The following WDR49 variants were observed in gnomAD, a reference collection of about 807,000 sequenced individuals.
WDR49 encodes cilia- and flagella-associated protein 337.
A neutral mutation model predicts 119.5 loss-of-function variants in WDR49; 107 were observed. The ratio of observed to expected loss-of-function variants is 0.90; its 90% confidence interval spans 0.77 to 1.05. WDR49 has a LOEUF of 1.05. Among genes scored for constraint, WDR49 ranks in the 50% least tolerant of loss-of-function variants. The probability of loss-of-function intolerance (pLI) is 0.00; values close to 1 mark genes in which losing one functional copy is unlikely to be tolerated. For synonymous variants in WDR49, 425 were observed against 418.8 expected (o/e 1.01, Z -0.18); for missense variants, 1,240 against 1,220.5 (o/e 1.02, Z -0.24).
At chr3:167,596,535 C>G (rs1274989776) in intron 7 of WDR49, among the ~76,000 whole-genome samples, 3 of 150,738 alleles carry the variant, frequency 2.0e-5, no homozygotes, top group African/African-American at 7.3e-5. Context: ...GAATACTATG[C>G]AGCCATAAAA....
chr3:167,656,882 C>A (rs1352460695), upstream of WDR49, among the ~76,000 whole-genome samples: 1 of 152,118 alleles, frequency 6.6e-6, no homozygotes, highest in East Asian at 1.9e-4. Flanking sequence ...GGCCAAAAAG[C>A]AGATTGACAC....
intron 7 of WDR49, among the ~76,000 whole-genome samples, chr3:167,591,264 A>T (rs2108296248): frequency 6.6e-6 from 1 of 152,236 alleles, no homozygotes; most frequent in Non-Finnish European, 1.5e-5. Context: ...TTGTGATTAG[A>T]GAAGATGCTT....
chr3:167,563,246 C>T (rs1172993639), intron 8 of WDR49, among the ~76,000 whole-genome samples: 1 of 150,108 alleles, frequency 6.7e-6, no homozygotes, highest in Non-Finnish European at 1.5e-5. Context: ...CCCAGCTACT[C>T]AGGAGGCTGA....
intron 2 of WDR49, among the ~76,000 whole-genome samples, chr3:167,639,316 G>C (rs1717771909): frequency 6.6e-6 from 1 of 150,608 alleles, no homozygotes; most frequent in Non-Finnish European, 1.5e-5. Flanking sequence ...AGAAAGTTTA[G>C]AGAATCTACA....
intron 18 of WDR49, among the ~76,000 whole-genome samples, chr3:167,485,537 A>C (rs1057421767): frequency 5.3e-5 from 8 of 152,060 alleles, no homozygotes; most frequent in Admixed American, 1.3e-4. Flanking sequence ...ATGATCCAAG[A>C]GCTGAAATAT....
intron 7 of WDR49, among the ~76,000 whole-genome samples, chr3:167,590,783 G>C (rs1262122563): frequency 6.6e-6 from 1 of 151,656 alleles, no homozygotes; most frequent in Non-Finnish European, 1.5e-5. Context: ...ATTTTATTTG[G>C]GTTTTCTCTC....
At chr3:167,508,474 TAAACAC>T (rs1223562755) in intron 16 of WDR49, among the ~76,000 whole-genome samples, 1 of 152,056 alleles carries the variant, frequency 6.6e-6, no homozygotes, top group African/African-American at 2.4e-5. Context: ...TTAAATGAGG[TAAACAC>T]ATAAAGACCT....
intron 9 of WDR49, among the ~76,000 whole-genome samples, chr3:167,558,858 C>T (rs534267073): frequency 6.6e-6 from 1 of 152,294 alleles, no homozygotes; most frequent in African/African-American, 2.4e-5. Flanking sequence ...CACCCCAGGA[C>T]TGGTAAGCGA....
intron 5 of WDR49, among the ~76,000 whole-genome samples, chr3:167,612,943 C>G (rs1716412028): frequency 2.0e-5 from 3 of 151,996 alleles, no homozygotes; most frequent in Non-Finnish European, 4.4e-5. Context: ...AGGATTGTTA[C>G]AAAAAAATTT....
chr3:167,581,761 A>G (rs868849977), intron 7 of WDR49, among the ~76,000 whole-genome samples: 2 of 152,218 alleles, frequency 1.3e-5, no homozygotes, highest in Admixed American at 6.5e-5. Context: ...GTGTGAATGG[A>G]TAGAAAATCT....
At chr3:167,598,938 G>A (rs1577266660) in intron 7 of WDR49, among the ~76,000 whole-genome samples, 4 of 152,174 alleles carry the variant, frequency 2.6e-5, no homozygotes, top group African/African-American at 7.2e-5. Flanking sequence ...AACAAATAGA[G>A]TCTCTCTGTC....
chr3:167,502,352 C>T (rs1317915766), intron 17 of WDR49, among the ~76,000 whole-genome samples: 1 of 152,124 alleles, frequency 6.6e-6, no homozygotes, highest in Non-Finnish European at 1.5e-5. Flanking sequence ...GCAAAAATGG[C>T]CTGACACAGA....
chr3:167,512,991 A>G, intron 16 of WDR49, among the ~76,000 whole-genome samples: 1 of 152,244 alleles, frequency 6.6e-6, no homozygotes, highest in Non-Finnish European at 1.5e-5. Context: ...GGTACCTGCA[A>G]GAGACGGAGA....
intron 8 of WDR49, among the ~76,000 whole-genome samples, chr3:167,561,358 T>A (rs9836099): frequency 2.1e-4 from 32 of 152,096 alleles, no homozygotes; most frequent in Non-Finnish European, 4.0e-4. Context: ...CCTGGGGAAC[T>A]TTAAAAAGCA....
intron 2 of WDR49, among the ~76,000 whole-genome samples, chr3:167,639,656 G>T (rs950667473): frequency 6.6e-6 from 1 of 151,700 alleles, no homozygotes; most frequent in Admixed American, 6.6e-5. Flanking sequence ...GAATCGATAA[G>T]ATAAACATAA....
intron 7 of WDR49, among the ~76,000 whole-genome samples, chr3:167,599,256 G>A (rs567511019): frequency 3.3e-5 from 5 of 152,108 alleles, no homozygotes; most frequent in South Asian, 4.2e-4. Context: ...AAATCTACTC[G>A]GTGTTCTATT....
chr3:167,545,149 A>T (rs1296779814), intron 10 of WDR49, among the ~76,000 whole-genome samples: 2 of 152,128 alleles, frequency 1.3e-5, no homozygotes, highest in African/African-American at 2.4e-5. Context: ...GCAATGAGAT[A>T]CCACCTTACT....
chr3:167,622,989 AACAG>A (rs1196285977), intron 3 of WDR49, among the ~76,000 whole-genome samples: 17 of 152,238 alleles, frequency 1.1e-4, no homozygotes, highest in Admixed American at 3.9e-4. Flanking sequence ...TCAAAGAAGA[AACAG>A]ACAGAAAATA....
intron 16 of WDR49, among the ~76,000 whole-genome samples, chr3:167,511,530 T>C (rs1272345250): frequency 5.9e-5 from 9 of 152,150 alleles, no homozygotes; most frequent in African/African-American, 2.4e-5. Context: ...ATAAAACCTA[T>C]ATATTGGTGA....
Sources: gnomAD v4.1 joint callset for allele counts (sites outside exome capture counted in the v4.1 genomes callset) on GRCh38, gnomAD v4.1.1 for gene constraint, MANE v1.5 for transcripts, NCBI Gene and HGNC (gene_info 2026-07-23, HGNC 2026-07-21) for gene names.